Variants in PGAP6 observed in about 807,000 individuals in gnomAD.
The protein encoded by PGAP6 is post-GPI attachment to proteins factor 6.
A neutral mutation model predicts 68.4 loss-of-function variants in PGAP6; 62 were observed. That is an observed-to-expected ratio of 0.91 (90% confidence interval 0.74 to 1.12). The LOEUF is 1.12. PGAP6 is among the 50% of genes most tolerant of loss of function. PGAP6 has a pLI of 0.00. For missense variants in PGAP6, 1,188 were observed against 1,068.5 expected (o/e 1.11, Z -1.56); for synonymous variants, 575 against 474.0 (o/e 1.21, Z -2.77).
chr16:377,295 G>A (rs2054393533), intron 3 of PGAP6, 83 bp downstream of exon 3: 3 of 1,565,966 alleles, frequency 1.9e-6, no homozygotes, highest in Non-Finnish European at 1.7e-6. Context: ...CTAGAGCGAG[G>A]ACCACCCCAA....
intron 1 of PGAP6, among the ~76,000 whole-genome samples, chr16:379,606 C>G (rs2054421406): frequency 6.6e-6 from 1 of 152,256 alleles, no homozygotes; most frequent in Admixed American, 6.5e-5. Context: ...GCAGCACACA[C>G]AGCCCCTGGG....
chr16:377,943 C>CTTT, intron 1 of PGAP6, 95 bp from the exon 2 acceptor site: 1 of 1,131,216 alleles, frequency 8.8e-7, no homozygotes, highest in Non-Finnish European at 1.2e-6. Flanking sequence ...GCTGGAAGCC[C>CTTT]CCGGGGACCC....
intron 8 of PGAP6, 78 bp from the exon 9 acceptor site, chr16:374,970 C>G (rs1289390523): frequency 1.9e-6 from 3 of 1,600,816 alleles, no homozygotes; most frequent in East Asian, 2.2e-5. Context: ...AACAGGCTGA[C>G]AGACATGAGA....
upstream of PGAP6, chr16:382,078 G>A: frequency 5.7e-6 from 2 of 349,608 alleles, no homozygotes; most frequent in Non-Finnish European, 9.5e-6. Flanking sequence ...GAGGGGTCAC[G>A]TGGGGCGCCG....
intron 1 of PGAP6, among the ~76,000 whole-genome samples, chr16:379,411 C>T (rs2054420249): frequency 6.6e-6 from 1 of 152,374 alleles, no homozygotes; most frequent in Non-Finnish European, 1.5e-5. Flanking sequence ...TGGCCAGGCT[C>T]CACCCACGAC....
At chr16:381,563 CACCCCCAACCCGCGGCGGGG>C (rs927401806) in intron 1 of PGAP6, 118 bp downstream of exon 1, 58 of 598,212 alleles carry the variant, frequency 9.7e-5, no homozygotes, top group Middle Eastern at 1.2e-3. Context: ...GGCCACTGTG[CACCCCCAACCCGCGGCGGGG>C]ACCCCCAACC....
intron 1 of PGAP6, among the ~76,000 whole-genome samples, chr16:381,436 AGGAG>A (rs2054437047): frequency 6.6e-6 from 1 of 151,106 alleles, no homozygotes; most frequent in South Asian, 2.1e-4. Flanking sequence ...CTCTGGGAGG[AGGAG>A]GGAGGGGAGG....
chr16:378,270 C>CG lies in PGAP6; in HGVS notation c.122-423_122-422insC, dbSNP rs2054406799. 1.2e-4 allele frequency among the ~76,000 whole-genome samples: 17 copies of CG among 144,378 alleles called. 2 individuals are homozygous for CG. Among genetic ancestry groups the CG allele is most frequent in the Non-Finnish European group, 2.6e-4 (17 of 65,646 alleles). The allele number at this position is 144,378 out of a possible 152,430, so 94.7% of individuals were successfully genotyped here. A position where few individuals can be genotyped will look rare whatever the true frequency, so the allele number is the denominator to read the frequency against. The stretch of plus-strand genomic sequence containing the variant: ...CTGCCATCCCCACCCGCACTGCCAT[C>CG]CCCACCCACACTGCCATCGCCACCC... On this transcript the variant is annotated intron_variant, in intron 1 of 12. Coordinates refer to ENST00000431232, the MANE Select transcript of PGAP6 (RefSeq NM_021259.3).
At position 371,832 on chromosome 16, in the gene PGAP6, G is replaced by T; in HGVS notation, c.*155C>A. The T allele has an allele frequency of 2.8e-6, 2 of 720,260 alleles. No homozygotes were observed. Among genetic ancestry groups the T allele is most frequent in the South Asian group, 3.7e-5 (2 of 53,920 alleles). The allele number at this position is 720,260 out of a possible 1,614,324, so 44.6% of individuals were successfully genotyped here. On this transcript the variant is annotated 3_prime_UTR_variant, in exon 13 of 13. Transcript: ENST00000431232. ...CGAGGAGAGGTGCGTGTGAGGGAGG[G>T]GTGGCCCTCTCCTCAGTAGGAGGAA...
chr16:378,122 C>T (rs115201164), intron 1 of PGAP6, among the ~76,000 whole-genome samples: 2,019 of 152,162 alleles, frequency 0.013, 59 homozygotes, highest in African/African-American at 0.046. Flanking sequence ...CCAAACAAGC[C>T]GCAGGGTACC....
At chr16:372,421 C>G in intron 12 of PGAP6, 138 bp from the exon 13 acceptor site, 2 of 1,065,944 alleles carry the variant, frequency 1.9e-6, no homozygotes, top group Admixed American at 4.1e-5. Context: ...CGAGGGGGCT[C>G]AAGGCCACTG....
chr16:386,727 A>AAAAAC, upstream of PGAP6: 2 of 40,286 alleles, frequency 5.0e-5, no homozygotes, highest in Non-Finnish European at 7.8e-5. Context: ...AAAAAAAACC[A>AAAAAC]AAAAAAAAAA....
In PGAP6 at chr16:376,347, A is replaced by T; in HGVS notation, c.1013T>A (p.Leu338Gln). ...GCGGTCCACCCTGCCACTCCTGCCC[A>T]GGTCCTGGTGGTCGGGGCTCGGGGA... is the stretch of plus-strand genomic sequence containing the variant. ...LLSPSPDHQD[L>Q]GRSGRVDRSP... Residue 338 changes from leucine to glutamine, a missense_variant, in exon 6 of 13, where the codon CTG (leucine) becomes CAG (glutamine). Leu to Gln is a moderately radical substitution (Grantham distance 113). Coordinates refer to ENST00000431232, the MANE Select transcript of PGAP6 (RefSeq NM_021259.3). The T allele has an allele frequency of 1.2e-6, 2 of 1,612,534 alleles. No homozygotes were observed. Among genetic ancestry groups the T allele is most frequent in the Non-Finnish European group, 1.7e-6 (2 of 1,179,824 alleles).
In PGAP6 at chr16:376,172, G is replaced by A. The variant is rs781600157; in HGVS notation, c.1188C>T (p.Ser396=). The A allele has an allele frequency of 2.1e-5, 34 of 1,610,254 alleles. No homozygotes were observed. The Admixed American group carries it at 3.0e-4, about 14-fold the overall frequency. ...GCAGGGAGATGGTGAGGGAACCCCC[G>A]CTGTCCATGCCGGTGTTCAGGCGCA... The part of the protein sequence containing the change: ...MRLRLNTGMD[S]GGSLTISLRA... Residue 396 remains serine, a synonymous_variant, in exon 6 of 13, where the codon AGC becomes AGT. Transcript: ENST00000431232.
chr16:383,788 A>T (rs1353944536), upstream of PGAP6, among the ~76,000 whole-genome samples: 1 of 151,976 alleles, frequency 6.6e-6, no homozygotes, highest in Non-Finnish European at 1.5e-5. Context: ...GGGGATGGGG[A>T]TGGCCGCAGG....
chr16:377,743 G>C lies in PGAP6; in HGVS notation c.227C>G (p.Ala76Gly), dbSNP rs985996619. The change falls in exon 2 of 13, where the codon GCT (alanine) becomes GGT (glycine). Residue 76 changes from alanine (A) to glycine (G), a missense_variant. Coordinates refer to ENST00000431232, the MANE Select transcript of PGAP6 (RefSeq NM_021259.3). ...RLFRFRVPPD[A>G]VLLRWLLQVS... ...CTGCAGGAGCCAGCGTAGAAGCACA[G>C]CATCTGGGGGCACGCGGAAGCGGAA... 6.3e-7 allele frequency: 1 copy of C among 1,596,558 alleles called. No homozygotes were observed. The highest frequency in any genetic ancestry group is 8.5e-7 in the Non-Finnish European group (1 of 1,172,298).
At chr16:380,595 G>T (rs769472044) in intron 1 of PGAP6, among the ~76,000 whole-genome samples, 9 of 152,180 alleles carry the variant, frequency 5.9e-5, no homozygotes, top group Non-Finnish European at 8.8e-5. Context: ...TCGAACTCCT[G>T]ACCTCAGGTG....
Position 377,377 on chromosome 16 carries a change from C to T in PGAP6, c.507+1G>A. On this transcript the variant is annotated splice_donor_variant, in intron 3 of 12. Coordinates refer to ENST00000431232, the MANE Select transcript of PGAP6 (RefSeq NM_021259.3). LOFTEE classifies it high-confidence loss of function. ...CCATCCCGGAGGGCAGCCCCCCTCA[C>T]CTTCAACTCGATCTTCTGGGATGAG... 1 of 1,588,582 alleles carries T rather than the reference C, an allele frequency of 6.3e-7. No homozygotes were observed. Among genetic ancestry groups the T allele is most frequent in the Non-Finnish European group, 8.6e-7 (1 of 1,165,898 alleles).
upstream of PGAP6, chr16:384,203 CT>C: frequency 6.5e-6 from 1 of 152,688 alleles, no homozygotes; most frequent in Non-Finnish European, 1.5e-5. Context: ...TCCCACTGCC[CT>C]CCCCTGAGTG....
Sources: gnomAD v4.1 joint callset for allele counts (sites outside exome capture counted in the v4.1 genomes callset) on GRCh38, gnomAD v4.1.1 for gene constraint, MANE v1.5 for transcripts, NCBI Gene and HGNC (gene_info 2026-07-23, HGNC 2026-07-21) for gene names.